Variants in DLGAP2 observed in about 807,000 individuals in gnomAD.
The protein encoded by DLGAP2 is disks large-associated protein 2.
Under a neutral mutation model 100.3 loss-of-function variants are expected in DLGAP2, and 26 were observed. The ratio of observed to expected loss-of-function variants is 0.26; its 90% confidence interval spans 0.19 to 0.36. DLGAP2 has a LOEUF of 0.36. DLGAP2 is among the 10% of genes least tolerant of loss of function. The probability of loss-of-function intolerance (pLI) is 1.00; values close to 1 mark genes in which losing one functional copy is unlikely to be tolerated. For synonymous variants in DLGAP2, 886 were observed against 630.1 expected, an observed-to-expected ratio of 1.41 and a Z score of -6.08; for missense variants, 1,858 against 1,453.2, an observed-to-expected ratio of 1.28 and a Z score of -4.53.
At position 758,169 on chromosome 8, in the gene DLGAP2, T is replaced by A. The variant is rs138550814; in HGVS notation, c.18+20344T>A. On this transcript the variant is annotated intron_variant, in intron 1 of 14. Transcript: ENST00000637795. ...ATCCCGAGGTTCCCTCATGGCCAGG[T>A]GGACAGTGAAGCCAGGACTGATGGA... Among the ~76,000 whole-genome samples the A allele has an allele frequency of 2.0e-3, 305 of 152,328 alleles. 2 individuals carry two copies. The highest frequency in any genetic ancestry group is 0.013 in the East Asian group (65 of 5,184).
At chr8:1,258,058 T>A (rs975437619) in intron 2 of DLGAP2, among the ~76,000 whole-genome samples, 2 of 152,198 alleles carry the variant, frequency 1.3e-5, no homozygotes, top group African/African-American at 4.8e-5. Flanking sequence ...GCTCCCAAAG[T>A]GTTTGTGTCT....
chr8:1,442,238 C>T (rs1221786793), intron 3 of DLGAP2, among the ~76,000 whole-genome samples: 6 of 104,322 alleles, frequency 5.8e-5, no homozygotes, highest in South Asian at 3.0e-4. Flanking sequence ...CGGACCCAGG[C>T]ATAGACCCGC....
intron 1 of DLGAP2, among the ~76,000 whole-genome samples, chr8:862,299 GTTTTT>G (rs1199269737): frequency 7.2e-6 from 1 of 138,108 alleles, no homozygotes; most frequent in Non-Finnish European, 1.6e-5. Flanking sequence ...TTGGACTCCA[GTTTTT>G]TTTTTTTTTT....
chr8:1,317,212 C>T (rs1195452266), intron 3 of DLGAP2, among the ~76,000 whole-genome samples: 1 of 133,988 alleles, frequency 7.5e-6, no homozygotes, highest in East Asian at 2.2e-4. Flanking sequence ...CAGTGGTCTA[C>T]ACTCGAGACA....
intron 8 of DLGAP2, among the ~76,000 whole-genome samples, chr8:1,650,998 C>G (rs988074802): frequency 6.6e-5 from 10 of 152,180 alleles, no homozygotes; most frequent in African/African-American, 1.9e-4. Flanking sequence ...CTGCCTCCAG[C>G]ATCTACCACC....
intron 2 of DLGAP2, among the ~76,000 whole-genome samples, chr8:1,234,987 C>G (rs1798612599): frequency 6.6e-6 from 1 of 151,162 alleles, no homozygotes; most frequent in South Asian, 2.1e-4. Context: ...TCACGCATAG[C>G]ATCGTGTCTA....
chr8:823,972 A>G (rs1057171075), intron 1 of DLGAP2, among the ~76,000 whole-genome samples: 1 of 152,160 alleles, frequency 6.6e-6, no homozygotes, highest in Non-Finnish European at 1.5e-5. Context: ...GGAAGTTGCA[A>G]TCACATTTGT....
intron 2 of DLGAP2, among the ~76,000 whole-genome samples, chr8:1,211,196 G>A (rs1406600232): frequency 6.6e-6 from 1 of 152,316 alleles, no homozygotes; most frequent in African/African-American, 2.4e-5. Flanking sequence ...AGGGGCCACC[G>A]ACCTGCGGAT....
intron 3 of DLGAP2, among the ~76,000 whole-genome samples, chr8:1,322,632 C>A (rs975409547): frequency 7.2e-5 from 11 of 152,050 alleles, no homozygotes; most frequent in Non-Finnish European, 1.2e-4. Flanking sequence ...TCTGTGATTT[C>A]ACGTGTATTG....
chr8:1,442,108 G>A (rs1461779119), intron 3 of DLGAP2, among the ~76,000 whole-genome samples: 5 of 152,248 alleles, frequency 3.3e-5, no homozygotes, highest in Non-Finnish European at 7.3e-5. Flanking sequence ...CCTCTGACCT[G>A]GCTAGGAGAC....
intron 2 of DLGAP2, among the ~76,000 whole-genome samples, chr8:1,081,745 C>T (rs1585042314): frequency 6.6e-6 from 1 of 152,142 alleles, no homozygotes; most frequent in African/African-American, 2.4e-5. Flanking sequence ...AGGCAGGGCA[C>T]CCAAAGTTCA....
At chr8:1,500,079 C>T (rs988045220) in intron 3 of DLGAP2, among the ~76,000 whole-genome samples, 1 of 152,168 alleles carries the variant, frequency 6.6e-6, no homozygotes, top group African/African-American at 2.4e-5. Context: ...AGAGTCTGAA[C>T]ATGCAATCAT....
chr8:1,442,314 G>C (rs1797857605), intron 3 of DLGAP2, among the ~76,000 whole-genome samples: 1 of 148,070 alleles, frequency 6.8e-6, no homozygotes, highest in African/African-American at 2.5e-5. Context: ...CCAGGCTGCT[G>C]ATGGGTTCAG....
intron 6 of DLGAP2, among the ~76,000 whole-genome samples, chr8:1,614,287 C>T (rs1269136542): frequency 2.0e-5 from 3 of 152,206 alleles, no homozygotes; most frequent in African/African-American, 4.8e-5. Flanking sequence ...GGCAAGAGAA[C>T]AGCCGTGGGG....
intron 2 of DLGAP2, among the ~76,000 whole-genome samples, chr8:973,828 G>C (rs1800089724): frequency 6.7e-6 from 1 of 149,796 alleles, no homozygotes; most frequent in Non-Finnish European, 1.5e-5. Context: ...CCCCGCGGCG[G>C]TCCGGGAGGT....
At chr8:1,211,452 A>C (rs1029986606) in intron 2 of DLGAP2, among the ~76,000 whole-genome samples, 3 of 152,246 alleles carry the variant, frequency 2.0e-5, no homozygotes, top group African/African-American at 4.8e-5. Context: ...AGTTTCAATT[A>C]AATCCAGAAT....
At chr8:840,974 C>T (rs1274552226) in intron 1 of DLGAP2, among the ~76,000 whole-genome samples, 2 of 152,206 alleles carry the variant, frequency 1.3e-5, no homozygotes, top group African/African-American at 2.4e-5. Context: ...AGCTCTCACT[C>T]TCTGGTGATG....
chr8:1,031,224 G>T (rs1050911063), intron 2 of DLGAP2, among the ~76,000 whole-genome samples: 9 of 152,036 alleles, frequency 5.9e-5, no homozygotes, highest in African/African-American at 2.2e-4. Context: ...TCCCAGGGTG[G>T]CAAGAGAGGA....
intron 2 of DLGAP2, among the ~76,000 whole-genome samples, chr8:988,727 G>A (rs973820885): frequency 1.3e-5 from 2 of 152,010 alleles, no homozygotes; most frequent in African/African-American, 2.4e-5. Context: ...CTGCCCTCTG[G>A]TTCCTGGCCT....
Sources: allele counts gnomAD v4.1 joint callset (sites outside exome capture counted in the v4.1 genomes callset), GRCh38; gene constraint gnomAD v4.1.1; transcripts MANE v1.5; gene names NCBI Gene and HGNC (gene_info 2026-07-23, HGNC 2026-07-21).